The following CHD7 variants were observed in gnomAD, a reference collection of about 807,000 sequenced individuals.
CHD7 encodes chromodomain helicase DNA binding protein 7.
A neutral mutation model predicts 307.3 loss-of-function variants in CHD7; 24 were observed. The ratio of observed to expected loss-of-function variants is 0.08; its 90% CI spans 0.06 to 0.11. The LOEUF (loss-of-function observed/expected upper bound fraction) is 0.11. Ranked by LOEUF, CHD7 falls within the 10% of genes least tolerant of loss-of-function variation. CHD7 has a pLI of 1.00. For synonymous variants in CHD7, 1,363 were observed against 1,349.9 expected, an observed-to-expected ratio of 1.01 and a Z score of -0.21; for missense variants, 3,106 against 3,727.1, an observed-to-expected ratio of 0.83 and a Z score of 4.34.
intron 2 of CHD7, 141 bp from the exon 3 acceptor site, chr8:60,780,859 G>T (rs1811181166): frequency 9.4e-7 from 1 of 1,067,150 alleles, no homozygotes; most frequent in East Asian, 3.0e-5. Flanking sequence ...GAAGCTGATA[G>T]ATTCTACAAC....
At chr8:60,763,896 G>T (rs1184555905) in intron 2 of CHD7, among the ~76,000 whole-genome samples, 1 of 152,222 alleles carries the variant, frequency 6.6e-6, no homozygotes, top group Admixed American at 6.5e-5. Flanking sequence ...TCAGTGGGCT[G>T]TGGTCAGAGA....
intron 1 of CHD7, among the ~76,000 whole-genome samples, chr8:60,705,420 C>G (rs147923257): frequency 6.6e-5 from 10 of 152,266 alleles, no homozygotes; most frequent in Middle Eastern, 3.4e-3. Flanking sequence ...CTTATTTGTT[C>G]TTTCACAGTA....
intron 1 of CHD7, among the ~76,000 whole-genome samples, chr8:60,694,584 G>T (rs1158574417): frequency 6.6e-6 from 1 of 152,244 alleles, no homozygotes; most frequent in Non-Finnish European, 1.5e-5. Flanking sequence ...AAGGGTCCTG[G>T]CAGGGAGCAG....
chr8:60,722,385 C>A (rs1807953215), intron 1 of CHD7, among the ~76,000 whole-genome samples: 1 of 152,094 alleles, frequency 6.6e-6, no homozygotes. Context: ...TTTCTTTTGC[C>A]ATGCTTAAAA....
In CHD7 at chr8:60,851,900, C is replaced by A; in HGVS notation, c.5666-119C>A. 6.4e-6 allele frequency: 4 copies of A among 623,632 alleles called. 1 individual carries two copies. In the South Asian group the frequency reaches 9.8e-5, roughly 15 times the overall value. 38.6% of individuals were successfully genotyped at this position (623,632 alleles called of 1,614,324 possible). On this transcript the variant is annotated intron_variant, in intron 28 of 37. Coordinates refer to ENST00000423902, the MANE Select transcript of CHD7 (RefSeq NM_017780.4). ...TATTTATATTTTAAAAATGAGGGCA[C>A]TGAGATGCCCTTTCCCACACTGTCA...
chr8:60,864,176 A>G (rs769366360), intron 37 of CHD7: 5 of 152,154 alleles, frequency 3.3e-5, no homozygotes, highest in Admixed American at 6.6e-5. Context: ...CAATGGTGCA[A>G]TCATAGCTCA....
chr8:60,811,984 G>A (rs1029734087), intron 7 of CHD7, among the ~76,000 whole-genome samples: 4 of 152,118 alleles, frequency 2.6e-5, no homozygotes, highest in Non-Finnish European at 5.9e-5. Flanking sequence ...AGTTGTCTGT[G>A]TCTTTTGCTC....
chr8:60,685,911 G>C (rs555686927), intron 1 of CHD7, among the ~76,000 whole-genome samples: 3 of 152,142 alleles, frequency 2.0e-5, no homozygotes, highest in Non-Finnish European at 4.4e-5. Context: ...TTTTGTGTTT[G>C]CCAGCTAATA....
At position 60,741,386 on chromosome 8, in the gene CHD7, G is replaced by A. The variant is rs1463685240; in HGVS notation, c.-47G>A. The A allele has an allele frequency of 2.1e-6, 3 of 1,418,752 alleles. No individual in the cohort carries two copies. The East Asian group carries it at 7.2e-5, about 34-fold the overall frequency. The allele number at this position is 1,418,752 out of a possible 1,614,324, so 87.9% of individuals were successfully genotyped here. ...AAACACCTCAGTGAAGTGAAGCACA[G>A]GCAAGCTCCTGAGCTGTGGTTTGGA... On this transcript the variant is annotated 5_prime_UTR_variant, in exon 2 of 38. Transcript: ENST00000423902.
intron 7 of CHD7, among the ~76,000 whole-genome samples, chr8:60,810,714 TA>T (rs1484508841): frequency 6.6e-6 from 1 of 152,196 alleles, no homozygotes; most frequent in Non-Finnish European, 1.5e-5. Context: ...TTTTTGTCTT[TA>T]GTTTGAGGGC....
intron 7 of CHD7, among the ~76,000 whole-genome samples, chr8:60,814,819 A>T (rs535617179): frequency 1.3e-5 from 2 of 152,384 alleles, no homozygotes; most frequent in African/African-American, 4.8e-5. Context: ...TAATAAATAC[A>T]GGTTGAGTAT....
At chr8:60,739,192 C>T (rs1586243398) in intron 1 of CHD7, among the ~76,000 whole-genome samples, 4 of 152,166 alleles carry the variant, frequency 2.6e-5, no homozygotes, top group African/African-American at 9.7e-5. Flanking sequence ...CTTCCCATAA[C>T]AGTTGGCGGA....
intron 8 of CHD7, 34 bp from the exon 9 acceptor site, chr8:60,819,973 A>G: frequency 7.2e-7 from 1 of 1,389,754 alleles, no homozygotes; most frequent in Non-Finnish European, 1.0e-6. Context: ...GGAAATAAGT[A>G]AACCTTTAAC....
At chr8:60,810,643 G>A (rs1274558909) in intron 7 of CHD7, among the ~76,000 whole-genome samples, 2 of 151,920 alleles carry the variant, frequency 1.3e-5, no homozygotes, top group African/African-American at 4.8e-5. Context: ...ACATATATAG[G>A]AAGTGATTTC....
rs148632834 is a variant in CHD7 at position 60,777,581 on chromosome 8, C to T, written c.1666-3419C>T. On this transcript the variant is annotated intron_variant, in intron 2 of 37. Transcript: ENST00000423902. ...TTAAAAGAAGCAGAGGGATTGCTCTCACTTCCCCCATCGGGTCTCCTTTGG... is the reference window on the plus strand; with the variant it reads ...TTAAAAGAAGCAGAGGGATTGCTCTTACTTCCCCCATCGGGTCTCCTTTGG... 7.2e-5 allele frequency among the ~76,000 whole-genome samples: 11 copies of T among 152,316 alleles called. No homozygotes were observed. In the East Asian group the frequency reaches 2.1e-3, roughly 29 times the overall value.
intron 6 of CHD7, among the ~76,000 whole-genome samples, chr8:60,806,158 T>C (rs10103011): frequency 0.8 from 121,764 of 152,050 alleles, 48,940 homozygotes; most frequent in East Asian, 0.94. Context: ...GTCAGGAGAT[T>C]GAGACCATCC....
Position 60,854,346 on chromosome 8 carries a change from A to G in CHD7, c.6776-17A>G. 1 of 1,610,226 alleles carries G rather than the reference A, an allele frequency of 6.2e-7. No individual in the cohort carries two copies. On this transcript the variant is annotated splice_polypyrimidine_tract_variant and intron_variant, in intron 31 of 37. Coordinates refer to ENST00000423902, the MANE Select transcript of CHD7 (RefSeq NM_017780.4). ...GATACTGTGGTTGTGAGTAATGCAC[A>G]TTAACTCATTTCTCAGCAGGAGCTG... is the stretch of plus-strand genomic sequence containing the variant.
chr8:60,773,104 T>G (rs1810790254), intron 2 of CHD7, among the ~76,000 whole-genome samples: 1 of 152,178 alleles, frequency 6.6e-6, no homozygotes, highest in African/African-American at 2.4e-5. Flanking sequence ...AGAGAAGAGG[T>G]ATGTAAAATG....
At chr8:60,770,710 ACTAT>A (rs1280464742) in intron 2 of CHD7, among the ~76,000 whole-genome samples, 3 of 152,132 alleles carry the variant, frequency 2.0e-5, no homozygotes, top group South Asian at 4.1e-4. Flanking sequence ...ATGGTAGTTA[ACTAT>A]CTAACTTGTT....
Sources: gnomAD v4.1 joint callset for allele counts (sites outside exome capture counted in the v4.1 genomes callset) on GRCh38, gnomAD v4.1.1 for gene constraint, MANE v1.5 for transcripts, NCBI Gene and HGNC (gene_info 2026-07-23, HGNC 2026-07-21) for gene names.